Variants in COG5 observed in about 807,000 individuals in gnomAD.
COG5 encodes conserved oligomeric Golgi complex subunit 5.
A neutral mutation model predicts 110.4 loss-of-function variants in COG5; 86 were observed. The ratio of observed to expected loss-of-function variants is 0.78; its 90% CI spans 0.65 to 0.93. COG5 has a LOEUF of 0.93. Among genes scored for constraint, COG5 ranks in the 40% least tolerant of loss-of-function variants. The pLI, the probability that COG5 is intolerant of heterozygous loss-of-function variation, is 0.00. For synonymous variants in COG5, 360 were observed against 334.6 expected (o/e 1.08, Z -0.83); for missense variants, 1,077 against 987.0 (o/e 1.09, Z -1.22).
At chr7:107,531,809 C>A (rs1339500805) in intron 5 of COG5, among the ~76,000 whole-genome samples, 1 of 151,836 alleles carries the variant, frequency 6.6e-6, no homozygotes, top group African/African-American at 2.4e-5. Context: ...ATTAACTGTA[C>A]CACTTTGCCT....
intron 6 of COG5, among the ~76,000 whole-genome samples, chr7:107,500,379 A>G (rs1448448156): frequency 6.6e-6 from 1 of 152,176 alleles, no homozygotes; most frequent in Non-Finnish European, 1.5e-5. Flanking sequence ...TTCAAAGCAG[A>G]TGTTACTAAT....
chr7:107,403,815 G>C (rs1273293805), intron 7 of COG5, among the ~76,000 whole-genome samples: 2 of 152,038 alleles, frequency 1.3e-5, no homozygotes, highest in East Asian at 3.8e-4. Context: ...TTCAACATAA[G>C]GAGAATTTAA....
intron 21 of COG5, 30 bp downstream of exon 21, chr7:107,210,496 G>A (rs776015476): frequency 6.4e-7 from 1 of 1,574,598 alleles, no homozygotes; most frequent in Non-Finnish European, 8.6e-7. Context: ...TTCCAGACCA[G>A]ATGGGTGCCC....
chr7:107,529,716 T>C (rs996667155), intron 5 of COG5, among the ~76,000 whole-genome samples: 1 of 152,204 alleles, frequency 6.6e-6, no homozygotes, highest in African/African-American at 2.4e-5. Flanking sequence ...CTTCCAAGCG[T>C]ACTTTCCTTT....
intron 6 of COG5, among the ~76,000 whole-genome samples, chr7:107,516,408 C>T (rs1045355000): frequency 1.4e-4 from 21 of 152,324 alleles, no homozygotes; most frequent in Admixed American, 8.5e-4. Flanking sequence ...TCCTTGTCCA[C>T]AGTTTGTCTT....
At chr7:107,429,376 A>G (rs919243244) in intron 6 of COG5, among the ~76,000 whole-genome samples, 3 of 151,992 alleles carry the variant, frequency 2.0e-5, no homozygotes, top group Admixed American at 2.0e-4. Context: ...CTAATGACTA[A>G]TGATACTGAC....
chr7:107,509,666 C>T (rs2129142929), intron 6 of COG5, among the ~76,000 whole-genome samples: 1 of 152,260 alleles, frequency 6.6e-6, no homozygotes, highest in African/African-American at 2.4e-5. Context: ...GGGTTACCCA[C>T]AAAGGGAAGC....
intron 19 of COG5, among the ~76,000 whole-genome samples, chr7:107,225,205 T>G (rs1253229914): frequency 6.6e-6 from 1 of 152,246 alleles, no homozygotes; most frequent in East Asian, 1.9e-4. Flanking sequence ...CTGTGGCTAT[T>G]GCAACCTACT....
intron 6 of COG5, among the ~76,000 whole-genome samples, chr7:107,438,593 G>C (rs1419987005): frequency 1.3e-5 from 2 of 152,154 alleles, no homozygotes; most frequent in Non-Finnish European, 2.9e-5. Context: ...ACAAACTTAG[G>C]AGGACTGAGA....
intron 11 of COG5, among the ~76,000 whole-genome samples, chr7:107,313,299 C>T (rs569266044): frequency 6.6e-6 from 1 of 152,272 alleles, no homozygotes; most frequent in South Asian, 2.1e-4. Flanking sequence ...CCACACCAAC[C>T]CAATCCTAGA....
intron 6 of COG5, among the ~76,000 whole-genome samples, chr7:107,468,703 AT>A (rs1266674572): frequency 6.6e-6 from 1 of 152,208 alleles, no homozygotes; most frequent in East Asian, 1.9e-4. Flanking sequence ...CCAGTGGAAG[AT>A]TATAAAAATG....
intron 2 of COG5, among the ~76,000 whole-genome samples, chr7:107,556,265 C>T (rs555746518): frequency 6.2e-4 from 94 of 152,312 alleles, no homozygotes; most frequent in African/African-American, 2.1e-3. Context: ...ATTTTATAAG[C>T]ATCCAAACTC....
chr7:107,222,464 A>G (rs185973494), intron 19 of COG5, among the ~76,000 whole-genome samples: 3 of 152,292 alleles, frequency 2.0e-5, no homozygotes, highest in Non-Finnish European at 4.4e-5. Flanking sequence ...TCGGCCTTCC[A>G]AAGTGCTGGG....
chr7:107,281,270 T>TA, intron 14 of COG5, 30 bp downstream of exon 14: 1 of 1,380,214 alleles, frequency 7.2e-7, no homozygotes, highest in Non-Finnish European at 1.0e-6. Context: ...ATAAAATCAT[T>TA]AAAGTTTACA....
intron 5 of COG5, among the ~76,000 whole-genome samples, chr7:107,545,107 A>G (rs1383850892): frequency 2.0e-5 from 3 of 152,228 alleles, no homozygotes; most frequent in Non-Finnish European, 1.5e-5. Context: ...AAGAAAAAAG[A>G]AAAAGAGTAA....
At position 107,230,668 on chromosome 7, in the gene COG5, G is replaced by A. The variant is rs765911824; in HGVS notation, c.2115C>T (p.Phe705=). Residue 705 remains phenylalanine, a synonymous_variant, in exon 19 of 22, where the codon TTC becomes TTT. Coordinates refer to ENST00000297135, the MANE Select transcript of COG5 (RefSeq NM_006348.5). Reference sequence around the variant, plus strand: ...TTCCTAAATCAGATACTCGTCTACAGAATGGACCCACAGCCAACTCCATCT... The same window carrying A: ...TTCCTAAATCAGATACTCGTCTACAAAATGGACCCACAGCCAACTCCATCT... ...FAQMELAVGP[F]CRRVSDLGKS... 3.1e-6 allele frequency: 5 copies of A among 1,612,716 alleles called. No homozygotes were observed. In the African/African-American group the frequency reaches 6.7e-5, roughly 22 times the overall value.
intron 8 of COG5, among the ~76,000 whole-genome samples, chr7:107,371,629 T>A (rs554922488): frequency 2.0e-5 from 3 of 152,002 alleles, no homozygotes; most frequent in Non-Finnish European, 4.4e-5. Context: ...TTTTGGGAAA[T>A]TTTCCTGAAG....
At chr7:107,256,858 G>T in intron 15 of COG5, 64 bp from the exon 16 acceptor site, 7 of 1,132,510 alleles carry the variant, frequency 6.2e-6, no homozygotes, top group South Asian at 5.1e-5. Context: ...TACTAATTTT[G>T]ATCATAGCAT....
chr7:107,552,590 C>T (rs1487437409), intron 3 of COG5, among the ~76,000 whole-genome samples: 1 of 152,100 alleles, frequency 6.6e-6, no homozygotes, highest in Non-Finnish European at 1.5e-5. Flanking sequence ...CCATCTCACA[C>T]CATTCAGAAT....
Sources: allele counts gnomAD v4.1 joint callset (sites outside exome capture counted in the v4.1 genomes callset), GRCh38; gene constraint gnomAD v4.1.1; transcripts MANE v1.5; gene names NCBI Gene and HGNC (gene_info 2026-07-23, HGNC 2026-07-21).